TEX46: variants seen among roughly 807,000 people sequenced by gnomAD.
TEX46 encodes testis expressed 46.
TEX46 carries 6 observed loss-of-function variants against 5.3 expected under a neutral mutation model. The observed-to-expected ratio is 1.13, with a 90% CI of 0.62 to 2.23. The LOEUF is 2.23. Ranked by LOEUF, TEX46 falls within the 30% of genes most tolerant of loss-of-function variation. The pLI is 0.00. For synonymous variants in TEX46, 41 were observed against 54.6 expected, an observed-to-expected ratio of 0.75 and a Z score of 1.10; for missense variants, 131 against 150.9, an observed-to-expected ratio of 0.87 and a Z score of 0.69.
chr1:23,015,132 C>T (rs1037031488), intron 1 of TEX46, among the ~76,000 whole-genome samples: 12 of 151,732 alleles, frequency 7.9e-5, no homozygotes, highest in East Asian at 6.0e-4. Context: ...TGTGAGTCCC[C>T]GTGCCCAGTG....
At chr1:23,014,524 T>C (rs553365791) in intron 1 of TEX46, among the ~76,000 whole-genome samples, 72 of 152,230 alleles carry the variant, frequency 4.7e-4, no homozygotes, top group African/African-American at 1.6e-3. Flanking sequence ...TTGGACTCTG[T>C]ATAGTTAGAC....
chr1:23,015,728 A>G, intron 1 of TEX46, 44 bp downstream of exon 1: 2 of 694,212 alleles, frequency 2.9e-6, no homozygotes, highest in Non-Finnish European at 5.2e-6. Flanking sequence ...AAGTGAAATA[A>G]GTCAGTCACA....
chr1:23,012,305 C>G (rs1322113144), intron 2 of TEX46, among the ~76,000 whole-genome samples: 1 of 151,494 alleles, frequency 6.6e-6, no homozygotes, highest in Admixed American at 6.6e-5. Context: ...GGTTGTGCCA[C>G]TGCATCCAGC....
In TEX46 at chr1:23,013,911, T is replaced by C. The variant is rs1311808553; in HGVS notation, c.137A>G (p.His46Arg). Residue 46 changes from histidine to arginine, a missense_variant, in exon 2 of 3, where the codon CAC becomes CGC. By Grantham distance (29) the His-to-Arg change is conservative. Transcript: ENST00000566855. Reference protein sequence around the residue: ...LLSNWLVKYEHKLTLPEPQQD... With the variant: ...LLSNWLVKYERKLTLPEPQQD... ...CTGGGGCTCTGGGAGGGTGAGCTTG[T>C]GTTCATACTTGACCAACCAGTTGCT... is the stretch of plus-strand genomic sequence containing the variant. The C allele has an allele frequency of 1.3e-6, 2 of 1,536,078 alleles. No individual in the cohort carries two copies. Among genetic ancestry groups the C allele is most frequent in the South Asian group, 1.2e-5 (1 of 84,058 alleles).
rs1285392820 is a variant in TEX46, at chr1:23,011,015, A to T, written c.252T>A (p.Asn84Lys). Residue 84 changes from asparagine (N) to lysine (K), a missense_variant, in exon 3 of 3, where the codon AAT becomes AAA. By Grantham distance (94) the Asn-to-Lys change is moderately conservative. Transcript: ENST00000566855. ...NQMFIIWNKMNHHGRSSRHRN... is the reference protein window; with the variant it reads ...NQMFIIWNKMKHHGRSSRHRN... ...GATGTCTGCTTGACCGCCCGTGGTG[A>T]TTCATTTTATTCCATATGATGAACA... The T allele has an allele frequency of 6.5e-7, 1 of 1,535,754 alleles. No individual in the cohort carries two copies. The highest frequency in any genetic ancestry group is 8.7e-7 in the Non-Finnish European group (1 of 1,146,742).
chr1:23,015,607 T>C (rs889904693), intron 1 of TEX46, among the ~76,000 whole-genome samples, 165 bp downstream of exon 1: 5 of 152,012 alleles, frequency 3.3e-5, no homozygotes, highest in African/African-American at 1.2e-4. Flanking sequence ...CAAGTGTCCA[T>C]CCACAGATGA....
chr1:23,011,733 C>T (rs978060891), intron 2 of TEX46, among the ~76,000 whole-genome samples: 1 of 152,152 alleles, frequency 6.6e-6, no homozygotes, highest in African/African-American at 2.4e-5. Flanking sequence ...CTTGGGAGGT[C>T]ACTTTCTCAG....
At chr1:23,012,358 TAA>T (rs11330715) in intron 2 of TEX46, among the ~76,000 whole-genome samples, 88 of 141,360 alleles carry the variant, frequency 6.2e-4, no homozygotes, top group Middle Eastern at 3.6e-3. Flanking sequence ...ACTAAATACA[TAA>T]AAAAAAAAAA....
chr1:23,015,391 G>A (rs992677059), intron 1 of TEX46, among the ~76,000 whole-genome samples: 3 of 119,736 alleles, frequency 2.5e-5, no homozygotes, highest in African/African-American at 9.6e-5. Context: ...AGCCGAGATC[G>A]CGCCACTGCA....
chr1:23,013,871 T>C lies in TEX46; in HGVS notation c.165+12A>G. On this transcript the variant is annotated intron_variant, in intron 2 of 2. Coordinates refer to ENST00000566855, the MANE Select transcript of TEX46 (RefSeq NM_001242521.2). ...ATCCCTGAGCTGAAGCCAAGCCCCA[T>C]CTTGTGCTCACCTGCTGGGGCTCTG... is the stretch of plus-strand genomic sequence containing the variant. The C allele has an allele frequency of 6.5e-7, 1 of 1,535,318 alleles. No individual in the cohort carries two copies. The highest frequency in any genetic ancestry group is 8.7e-7 in the Non-Finnish European group (1 of 1,146,430).
At chr1:23,011,656 C>G (rs1641352782) in intron 2 of TEX46, among the ~76,000 whole-genome samples, 1 of 152,212 alleles carries the variant, frequency 6.6e-6, no homozygotes, top group South Asian at 2.1e-4. Context: ...AACTCCCGAC[C>G]TCAGGTGATC....
At chr1:23,011,171 G>A (rs902228747) in intron 2 of TEX46, 70 bp from the exon 3 acceptor site, 33 of 1,227,840 alleles carry the variant, frequency 2.7e-5, no homozygotes, top group Admixed American at 4.2e-5. Flanking sequence ...TCTTGGAGTC[G>A]TTTTCAGAAG....
Position 23,013,884 on chromosome 1 carries a change from T to A in TEX46, c.164A>T (p.Gln55Leu). 6.5e-7 allele frequency: 1 copy of A among 1,535,878 alleles called. No homozygotes were observed. The highest frequency in any genetic ancestry group is 1.2e-5 in the South Asian group (1 of 84,036). The part of the protein sequence containing the change: ...EHKLTLPEPQ[Q>L]DEILQRLLFS... ...AGCCAAGCCCCATCTTGTGCTCACCTGCTGGGGCTCTGGGAGGGTGAGCTT... is the reference window on the plus strand; with the variant it reads ...AGCCAAGCCCCATCTTGTGCTCACCAGCTGGGGCTCTGGGAGGGTGAGCTT... Residue 55 changes from glutamine (Q) to leucine (L), a missense_variant and splice_region_variant, in exon 2 of 3, where the codon CAG becomes CTG. Gln to Leu is a moderately radical substitution (Grantham distance 113). Coordinates refer to ENST00000566855, the MANE Select transcript of TEX46 (RefSeq NM_001242521.2).
Position 23,011,504 on chromosome 1 carries a change from T to G in TEX46, c.166-403A>C, listed in dbSNP as rs936374847. Among the ~76,000 whole-genome samples the G allele has an allele frequency of 3.2e-4, 49 of 152,188 alleles. 1 individual carries two copies. In the East Asian group the frequency reaches 9.1e-3, roughly 28 times the overall value. On this transcript the variant is annotated intron_variant, in intron 2 of 2. Transcript: ENST00000566855. ...ACCTCCCGGGTTCAAACGATTCTTC[T>G]GCCTCAGCCTCCAGAGTAGCTGGGA...
chr1:23,015,660 A>C (rs1167472134), intron 1 of TEX46, 112 bp downstream of exon 1: 1 of 639,732 alleles, frequency 1.6e-6, no homozygotes, highest in Non-Finnish European at 2.8e-6. Context: ...TACCAGCCTT[A>C]AAAAGGAAGG....
At chr1:23,014,557 T>C (rs1273963481) in intron 1 of TEX46, among the ~76,000 whole-genome samples, 1 of 151,900 alleles carries the variant, frequency 6.6e-6, no homozygotes, top group African/African-American at 2.4e-5. Context: ...TTTATTATTA[T>C]TTTATTTTAT....
At chr1:23,013,138 G>T (rs1054531995) in intron 2 of TEX46, among the ~76,000 whole-genome samples, 15 of 152,052 alleles carry the variant, frequency 9.9e-5, no homozygotes, top group African/African-American at 3.6e-4. Flanking sequence ...AAAGTGCAGG[G>T]ATTATAGCTG....
chr1:23,011,272 C>T (rs1641348929), intron 2 of TEX46, 171 bp from the exon 3 acceptor site: 3 of 594,820 alleles, frequency 5.0e-6, no homozygotes, highest in South Asian at 4.2e-5. Flanking sequence ...TGCTTGAACA[C>T]CTGCTCTGTG....
At chr1:23,012,518 C>T (rs1490216765) in intron 2 of TEX46, among the ~76,000 whole-genome samples, 3 of 152,188 alleles carry the variant, frequency 2.0e-5, no homozygotes, top group African/African-American at 7.2e-5. Flanking sequence ...GCATCCTCCT[C>T]CCTCCCTGAA....
Sources: allele counts gnomAD v4.1 joint callset (sites outside exome capture counted in the v4.1 genomes callset), GRCh38; gene constraint gnomAD v4.1.1; transcripts MANE v1.5; gene names NCBI Gene and HGNC (gene_info 2026-07-23, HGNC 2026-07-21).